The following ANKRD52 variants were observed in gnomAD, a reference collection of about 807,000 sequenced individuals.
ANKRD52 encodes the protein ankyrin repeat domain 52, also known as serine/threonine-protein phosphatase 6 regulatory ankyrin repeat subunit C.
ANKRD52 carries 7 observed loss-of-function variants against 116.0 expected under a neutral mutation model. That is an observed-to-expected ratio of 0.06 (90% CI 0.03 to 0.11). The LOEUF (loss-of-function observed/expected upper bound fraction) is 0.11. Among genes scored for constraint, ANKRD52 ranks in the 10% least tolerant of loss-of-function variants. ANKRD52 has a pLI of 1.00. For synonymous variants in ANKRD52, 528 were observed against 578.1 expected (o/e 0.91, Z 1.24); for missense variants, 839 against 1,408.6 (o/e 0.60, Z 6.47).
chr12:56,256,793 G>A (rs1169629655), intron 4 of ANKRD52, among the ~76,000 whole-genome samples: 1 of 152,188 alleles, frequency 6.6e-6, no homozygotes, highest in Non-Finnish European at 1.5e-5. Flanking sequence ...CCCGCAGTCT[G>A]CCAGCCCAGT....
chr12:56,245,150 C>T lies in ANKRD52; in HGVS notation c.2445G>A (p.Pro815=), dbSNP rs754776081. 4.9e-5 allele frequency: 79 copies of T among 1,613,828 alleles called. No individual in the cohort carries two copies. The highest frequency in any genetic ancestry group is 6.1e-5 in the Non-Finnish European group (72 of 1,179,894). ...AGGGGTTTCCTTCCAGGTACGAAAACGGGCTGTGTTCAAGTAACAACTCCA... is the reference window on the plus strand; with the variant it reads ...AGGGGTTTCCTTCCAGGTACGAAAATGGGCTGTGTTCAAGTAACAACTCCA... ...DCLELLLEHS[P]FSYLEGNPFT... Residue 815 remains proline (P), a synonymous_variant, in exon 22 of 28, where the codon CCG becomes CCA. Transcript: ENST00000267116.
intron 15 of ANKRD52, among the ~76,000 whole-genome samples, chr12:56,249,443 C>T (rs539536096): frequency 1.3e-5 from 2 of 152,208 alleles, no homozygotes; most frequent in Admixed American, 1.3e-4. Context: ...TAATTTAATC[C>T]TCATAAAGAT....
intron 20 of ANKRD52, among the ~76,000 whole-genome samples, chr12:56,246,052 C>T (rs774938402): frequency 2.0e-5 from 3 of 150,926 alleles, no homozygotes; most frequent in Non-Finnish European, 3.0e-5. Flanking sequence ...TTTTTTGAGA[C>T]GGAGTCTCAC....
Position 56,252,033 on chromosome 12 carries a change from C to G in ANKRD52, c.1574G>C (p.Arg525Pro). ...TACTCACAAGAAGGCCTCCTTCCTG[C>G]GGGACTCCTTCAGTGGCTCGTCCTC... ...AEEDEPLKESRRKEAFFCLEF... is the reference protein window; with the variant it reads ...AEEDEPLKESPRKEAFFCLEF... The change falls in exon 15 of 28, where the codon CGC becomes CCC. Residue 525 changes from arginine (R) to proline (P), a missense_variant. By Grantham distance (103) the Arg-to-Pro change is moderately radical. Around this residue, in one of 2 missense-constraint regions of ANKRD52, gnomAD observed 552 missense variants for 810.6 expected, o/e 0.68. Coordinates refer to ENST00000267116, the MANE Select transcript of ANKRD52 (RefSeq NM_173595.4). This position sits in a 1 kb window ranked among gnomAD's most constrained non-coding sequence, Gnocchi z 4.7. The G allele has an allele frequency of 6.2e-7, 1 of 1,613,762 alleles. No homozygotes were observed.
intron 15 of ANKRD52, among the ~76,000 whole-genome samples, chr12:56,250,296 G>C (rs1331595678): frequency 1.3e-5 from 2 of 150,972 alleles, no homozygotes; most frequent in Non-Finnish European, 3.0e-5. Context: ...CATACTCCTG[G>C]GCTCAAGCAA....
At position 56,244,325 on chromosome 12, in the gene ANKRD52, C is replaced by T; in HGVS notation, c.2805+28G>A. 6.2e-7 allele frequency: 1 copy of T among 1,609,630 alleles called. No homozygotes were observed. The highest frequency in any genetic ancestry group is 8.5e-7 in the Non-Finnish European group (1 of 1,176,084). On this transcript the variant is annotated intron_variant, in intron 25 of 27. Transcript: ENST00000267116. This position sits in a 1 kb window ranked among gnomAD's most constrained non-coding sequence, Gnocchi z 4.9. The stretch of plus-strand genomic sequence containing the variant: ...TCTTCATCAAGCTCTGCCCCTTATG[C>T]AGTCCCCCAATCACTTCAGGTAAGT...
chr12:56,258,276 G>A lies in ANKRD52; in HGVS notation c.-7C>T. ...TGATGCTGAGGATCCCCATGGCTCG[G>A]CCCGGGCTCCGTCCGCATCGAGCTC... On this transcript the variant is annotated 5_prime_UTR_variant, in exon 1 of 28. Transcript: ENST00000267116. The A allele has an allele frequency of 6.3e-7, 1 of 1,578,232 alleles. No individual in the cohort carries two copies. The highest frequency in any genetic ancestry group is 8.6e-7 in the Non-Finnish European group (1 of 1,165,696).
At position 56,238,499 on chromosome 12, in the gene ANKRD52, C is replaced by G. The variant is rs1009961975; in HGVS notation, c.*4643G>C. 6.6e-6 allele frequency: 1 copy of G among 151,878 alleles called. No individual in the cohort carries two copies. The highest frequency in any genetic ancestry group is 1.5e-5 in the Non-Finnish European group (1 of 68,016). The allele number at this position is 151,878 out of a possible 1,614,324, so 9.4% of individuals were successfully genotyped here. A position where few individuals can be genotyped will look rare whatever the true frequency, so the allele number is the denominator to read the frequency against. ...CCAACCCTCTCCCCTGTCTTGCTGT[C>G]CCCCGCAGGGGAACTATATTGCTTT... is the stretch of plus-strand genomic sequence containing the variant. On this transcript the variant is annotated 3_prime_UTR_variant, in exon 28 of 28. Coordinates refer to ENST00000267116, the MANE Select transcript of ANKRD52 (RefSeq NM_173595.4).
Position 56,237,957 on chromosome 12 carries a change from A to T in ANKRD52, c.*5185T>A. On this transcript the variant is annotated 3_prime_UTR_variant, in exon 28 of 28. Coordinates refer to ENST00000267116, the MANE Select transcript of ANKRD52 (RefSeq NM_173595.4). ...ATGTGAGTAGGGGCCTGGAGGGTGC[A>T]GGGTCATTAATCTGCGGGGAGAACA... 15 of 297,292 alleles carry T rather than the reference A, an allele frequency of 5.0e-5. No homozygotes were observed. The highest frequency in any genetic ancestry group is 8.1e-5 in the Non-Finnish European group (13 of 160,402). 18.4% of individuals were successfully genotyped at this position (297,292 alleles called of 1,614,324 possible). A position where few individuals can be genotyped will look rare whatever the true frequency, so the allele number is the denominator to read the frequency against.
chr12:56,245,359 G>T lies in ANKRD52; in HGVS notation c.2404+18C>A, dbSNP rs1565607807. 1 of 1,607,338 alleles carries T rather than the reference G, an allele frequency of 6.2e-7. No homozygotes were observed. The highest frequency in any genetic ancestry group is 8.5e-7 in the Non-Finnish European group (1 of 1,177,436). ...TCCAACACATGCTCCTGTGCCTGTG[G>T]AGGCCCCAGTCTAGTACCAGTGTAG... is the stretch of plus-strand genomic sequence containing the variant. On this transcript the variant is annotated intron_variant, in intron 21 of 27. Transcript: ENST00000267116.
rs1342442090 is a variant in ANKRD52 at position 56,244,398 on chromosome 12, C to G, written c.2760G>C (p.Val920=). The G allele has an allele frequency of 6.2e-7, 1 of 1,613,998 alleles. No individual in the cohort carries two copies. Among genetic ancestry groups the G allele is most frequent in the Non-Finnish European group, 8.5e-7 (1 of 1,179,882 alleles). ...LLYRGKADLT[V]LDENKNTALH... The stretch of plus-strand genomic sequence containing the variant: ...GGGCCGTGTTCTTGTTCTCATCCAA[C>G]ACAGTAAGGTCTGCCTTCCCTCGAT... Residue 920 remains valine, a synonymous_variant, in exon 25 of 28, where the codon GTG becomes GTC. Transcript: ENST00000267116. This position sits in a 1 kb window ranked among gnomAD's most constrained non-coding sequence, Gnocchi z 4.9.
In ANKRD52 at chr12:56,252,251, C is replaced by T. The variant is rs868777351; in HGVS notation, c.1435G>A (p.Gly479Arg). Reference sequence around the variant, plus strand: ...CAGTCGGCCTCGTTGACACCTGCCCCAGCAGTCACCAATGTTACTGCACAC... The same window carrying T: ...CAGTCGGCCTCGTTGACACCTGCCCTAGCAGTCACCAATGTTACTGCACAC... ...YQCAVTLVTA[G>R]AGVNEADCKG... Residue 479 changes from glycine (G) to arginine (R), a missense_variant, in exon 14 of 28, where the codon GGG becomes AGG. By Grantham distance (125) the Gly-to-Arg change is moderately radical (BLOSUM62 -2). Transcript: ENST00000267116. The surrounding 1 kb of genome is among the most constrained non-coding windows in gnomAD (Gnocchi z 4.7). 1 of 1,613,988 alleles carries T rather than the reference C, an allele frequency of 6.2e-7. No individual in the cohort carries two copies. Among genetic ancestry groups the T allele is most frequent in the African/African-American group, 1.3e-5 (1 of 75,042 alleles).
rs2135891086 is a variant in ANKRD52, at chr12:56,253,924, C to T, written c.907-124G>A. The T allele has an allele frequency of 7.5e-7, 1 of 1,330,190 alleles. No homozygotes were observed. 82.4% of individuals were successfully genotyped at this position (1,330,190 alleles called of 1,614,324 possible). A position where few individuals can be genotyped will look rare whatever the true frequency, so the allele number is the denominator to read the frequency against. ...AAGGGTCATATGGCACCTTCTTAGC[C>T]CACTCTTTCCTGAGTCCCTGGCAAG... On this transcript the variant is annotated intron_variant, in intron 8 of 27. Coordinates refer to ENST00000267116, the MANE Select transcript of ANKRD52 (RefSeq NM_173595.4). This position sits in a 1 kb window ranked among gnomAD's most constrained non-coding sequence, Gnocchi z 5.5.
In ANKRD52 at chr12:56,253,000, A is replaced by G. The variant is rs1169904265; in HGVS notation, c.1183+4T>C. ...CTGCCAATCCCCAGCCCATCAGCAC[A>G]TACCTGAGGAAAGAAGCTTACGACA... is the stretch of plus-strand genomic sequence containing the variant. On this transcript the variant is annotated splice_donor_region_variant and intron_variant, in intron 11 of 27. Coordinates refer to ENST00000267116, the MANE Select transcript of ANKRD52 (RefSeq NM_173595.4). This position sits in a 1 kb window ranked among gnomAD's most constrained non-coding sequence, Gnocchi z 4.7. 1.9e-6 allele frequency: 3 copies of G among 1,585,660 alleles called. No homozygotes were observed. The highest frequency in any genetic ancestry group is 4.6e-5 in the East Asian group (2 of 43,478).
Position 56,243,946 on chromosome 12 carries a change from G to A in ANKRD52, c.2889-70C>T, listed in dbSNP as rs1428284958. On this transcript the variant is annotated intron_variant, in intron 26 of 27. Coordinates refer to ENST00000267116, the MANE Select transcript of ANKRD52 (RefSeq NM_173595.4). The surrounding 1 kb of genome is among the most constrained non-coding windows in gnomAD (Gnocchi z 4.6). ...TCCACCTCCAGACAGGGTGGCAAGG[G>A]TGCTGAACAAATACAATGGGCTCCA... The A allele has an allele frequency of 1.2e-6, 2 of 1,600,862 alleles. No individual in the cohort carries two copies. Among genetic ancestry groups the A allele is most frequent in the East Asian group, 2.2e-5 (1 of 44,752 alleles).
Position 56,253,495 on chromosome 12 carries a change from G to A in ANKRD52, c.986-93C>T, listed in dbSNP as rs1185432331. 17 of 1,035,496 alleles carry A rather than the reference G, an allele frequency of 1.6e-5. No individual in the cohort carries two copies. Among genetic ancestry groups the A allele is most frequent in the Non-Finnish European group, 3.0e-6 (2 of 674,364 alleles). 64.1% of individuals were successfully genotyped at this position (1,035,496 alleles called of 1,614,324 possible). On this transcript the variant is annotated intron_variant, in intron 9 of 27. Transcript: ENST00000267116. The surrounding 1 kb of genome is among the most constrained non-coding windows in gnomAD (Gnocchi z 5.5). ...CATGATTTGAGTGCCTACTATGTAT[G>A]CATCAGGTGCCAGGCCCAGGATTCT...
chr12:56,257,733 G>T, intron 2 of ANKRD52, 95 bp downstream of exon 2: 1 of 1,208,988 alleles, frequency 8.3e-7, no homozygotes, highest in Non-Finnish European at 1.2e-6. Context: ...CCTCATCTGA[G>T]CAGAGGAGAC....
chr12:56,243,160 A>T lies in ANKRD52; in HGVS notation c.3213T>A (p.Asp1071Glu), dbSNP rs774861708. 3 of 1,603,272 alleles carry T rather than the reference A, an allele frequency of 1.9e-6. No homozygotes were observed. The African/African-American group carries it at 4.0e-5, about 21-fold the overall frequency. The change falls in exon 28 of 28, where the codon GAT becomes GAA. Residue 1071 changes from aspartate (D) to glutamate (E), a missense_variant. Physicochemically the swap from Asp to Glu is conservative, Grantham distance 45. Transcript: ENST00000267116. This position sits in a 1 kb window ranked among gnomAD's most constrained non-coding sequence, Gnocchi z 4.6. ...GAGGGGGCTACTCAGAGTAGCAGCC[A>T]TCTAACCCAATGGCGCCGGGCCGCT... ...SQERPGAIGL[D>E]GCYSE
In ANKRD52 at chr12:56,244,573, C is replaced by T; in HGVS notation, c.2722+79G>A. 6.2e-7 allele frequency: 1 copy of T among 1,603,756 alleles called. No homozygotes were observed. The highest frequency in any genetic ancestry group is 1.1e-5 in the South Asian group (1 of 90,266). The stretch of plus-strand genomic sequence containing the variant: ...TTGCTTTCTGAACCCCAGCCCCAGC[C>T]AGCCTCCACAGGCAGGGCTGACCCA... On this transcript the variant is annotated intron_variant, in intron 24 of 27. Coordinates refer to ENST00000267116, the MANE Select transcript of ANKRD52 (RefSeq NM_173595.4). This position sits in a 1 kb window ranked among gnomAD's most constrained non-coding sequence, Gnocchi z 4.9.
Sources: allele counts gnomAD v4.1 joint callset (sites outside exome capture counted in the v4.1 genomes callset), GRCh38; gene constraint gnomAD v4.1.1; regional missense constraint gnomAD v4.1.1; non-coding constraint Gnocchi (gnomAD v3.1); transcripts MANE v1.5; gene names NCBI Gene and HGNC (gene_info 2026-07-23, HGNC 2026-07-21).